SHLD2: variants seen among roughly 807,000 people sequenced by gnomAD.
SHLD2 encodes shieldin complex subunit 2.
SHLD2 carries 30 observed loss-of-function variants against 73.2 expected under a neutral mutation model. The observed-to-expected ratio is 0.41, with a 90% CI of 0.31 to 0.56. The LOEUF (loss-of-function observed/expected upper bound fraction) is 0.56. Among genes scored for constraint, SHLD2 ranks in the 20% least tolerant of loss-of-function variants. SHLD2 has a pLI of 0.28. For synonymous variants in SHLD2, 285 were observed against 370.1 expected (o/e 0.77, Z 2.64); for missense variants, 745 against 1,055.9 (o/e 0.71, Z 4.08).
At chr10:87,182,046 G>A (rs888058343) in intron 8 of SHLD2, among the ~76,000 whole-genome samples, 1 of 152,210 alleles carries the variant, frequency 6.6e-6, no homozygotes, top group African/African-American at 2.4e-5. Flanking sequence ...GGAATTACAG[G>A]TGTGAGCCAC....
intron 2 of SHLD2, among the ~76,000 whole-genome samples, chr10:87,098,471 C>T (rs1842049638): frequency 6.6e-6 from 1 of 150,856 alleles, no homozygotes; most frequent in Admixed American, 6.6e-5. Context: ...TGAGATTGCG[C>T]CATTGCACTC....
intron 2 of SHLD2, among the ~76,000 whole-genome samples, chr10:87,130,105 C>G (rs1844320639): frequency 6.6e-6 from 1 of 151,742 alleles, no homozygotes; most frequent in African/African-American, 2.4e-5. Context: ...GTGGTAGATG[C>G]TTTCCTCAGA....
At chr10:87,114,854 TATGA>T (rs1843146025) in intron 2 of SHLD2, among the ~76,000 whole-genome samples, 2 of 152,214 alleles carry the variant, frequency 1.3e-5, no homozygotes, top group East Asian at 3.8e-4. Context: ...GATAGTTTGA[TATGA>T]GAGGTGAGGA....
chr10:87,188,346 G>T (rs374038815), intron 9 of SHLD2, among the ~76,000 whole-genome samples: 2,161 of 151,970 alleles, frequency 0.014, 51 homozygotes, highest in African/African-American at 0.049. Flanking sequence ...GGATGGAGGG[G>T]TTTTTTTTCT....
chr10:87,190,786 A>C lies in SHLD2; in HGVS notation c.*103A>C. ...GGCTTTTGCTTTGGATTTTTTATGA[A>C]ATATATTTTACAAAGAGAATTGCAC... On this transcript the variant is annotated 3_prime_UTR_variant, in exon 10 of 10. Coordinates refer to ENST00000298786, the MANE Select transcript of SHLD2 (RefSeq NM_001330112.2). The C allele has an allele frequency of 1.0e-6, 1 of 954,100 alleles. No individual in the cohort carries two copies. The highest frequency in any genetic ancestry group is 1.6e-6 in the Non-Finnish European group (1 of 629,432). The allele number at this position is 954,100 out of a possible 1,614,324, so 59.1% of individuals were successfully genotyped here.
At chr10:87,100,945 C>G (rs1256535045) in intron 2 of SHLD2, among the ~76,000 whole-genome samples, 5 of 152,088 alleles carry the variant, frequency 3.3e-5, no homozygotes, top group Admixed American at 3.3e-4. Context: ...ATCTGTAGAT[C>G]AATTTGGGAA....
chr10:87,143,732 T>G (rs1387371923), intron 2 of SHLD2, among the ~76,000 whole-genome samples: 1 of 151,946 alleles, frequency 6.6e-6, no homozygotes, highest in Non-Finnish European at 1.5e-5. Context: ...AGGAATACCA[T>G]ATAGTCTATC....
chr10:87,164,795 A>G (rs1847082578), intron 4 of SHLD2, among the ~76,000 whole-genome samples: 1 of 152,246 alleles, frequency 6.6e-6, no homozygotes. Flanking sequence ...TTACTGACAT[A>G]AAGATATATG....
intron 2 of SHLD2, among the ~76,000 whole-genome samples, chr10:87,100,534 A>G (rs1351742239): frequency 6.6e-6 from 1 of 151,364 alleles, no homozygotes; most frequent in African/African-American, 2.4e-5. Flanking sequence ...CTGGAGTGCA[A>G]TAGCGCGATC....
intron 2 of SHLD2, among the ~76,000 whole-genome samples, chr10:87,148,017 C>T (rs1425378811): frequency 2.6e-5 from 4 of 152,064 alleles, no homozygotes; most frequent in Non-Finnish European, 4.4e-5. Flanking sequence ...GCCACCACAC[C>T]TGGCTAATTT....
At chr10:87,123,659 G>A (rs946345597) in intron 2 of SHLD2, among the ~76,000 whole-genome samples, 2 of 152,116 alleles carry the variant, frequency 1.3e-5, no homozygotes, top group Non-Finnish European at 2.9e-5. Flanking sequence ...CAAATCTTAT[G>A]TTGAATTGTA....
intron 9 of SHLD2, among the ~76,000 whole-genome samples, chr10:87,187,531 T>C (rs1848694047): frequency 6.6e-6 from 1 of 152,236 alleles, no homozygotes. Flanking sequence ...CCACTGTCAG[T>C]GGAATGGATT....
chr10:87,179,944 C>T (rs1485228664), intron 7 of SHLD2, 131 bp from the exon 8 acceptor site: 12 of 693,790 alleles, frequency 1.7e-5, no homozygotes, highest in African/African-American at 3.6e-5. Context: ...GTAAAGAAGA[C>T]GAAGAACAAG....
At position 87,100,679 on chromosome 10, in the gene SHLD2, T is replaced by C. The variant is rs188047967; in HGVS notation, c.-6+3690T>C. ...TTTCAGTAGAGATGGGGTTTTATCA[T>C]GTTAGTCAGGCTGATCTCGAACTCC... On this transcript the variant is annotated intron_variant, in intron 2 of 9. Coordinates refer to ENST00000298786, the MANE Select transcript of SHLD2 (RefSeq NM_001330112.2). 5.6e-3 allele frequency among the ~76,000 whole-genome samples: 846 copies of C among 152,234 alleles called. 12 individuals carry two copies. Among genetic ancestry groups the C allele is most frequent in the African/African-American group, 0.019 (808 of 41,528 alleles).
intron 1 of SHLD2, 57 bp downstream of exon 1, chr10:87,095,305 G>A (rs564130280): frequency 8.6e-4 from 130 of 151,524 alleles, no homozygotes; most frequent in African/African-American, 2.9e-3. Flanking sequence ...GGAGGTCGGG[G>A]TCGGGGGCTG....
intron 7 of SHLD2, among the ~76,000 whole-genome samples, chr10:87,177,911 G>A (rs1210711213): frequency 1.3e-5 from 2 of 152,186 alleles, no homozygotes; most frequent in Non-Finnish European, 2.9e-5. Context: ...ATAGGATTAT[G>A]TGAACATTCT....
intron 2 of SHLD2, among the ~76,000 whole-genome samples, chr10:87,103,405 T>C (rs1456816089): frequency 6.6e-6 from 1 of 152,152 alleles, no homozygotes; most frequent in South Asian, 2.1e-4. Flanking sequence ...TTTGAAAATA[T>C]AGGGTGGCAT....
intron 2 of SHLD2, 71 bp downstream of exon 2, chr10:87,097,060 A>G (rs958852216): frequency 1.3e-5 from 2 of 152,212 alleles, no homozygotes; most frequent in South Asian, 4.1e-4. Context: ...CACTCCTGCA[A>G]AAAACCCACG....
chr10:87,151,725 G>C lies in SHLD2; in HGVS notation c.371G>C (p.Gly124Ala), dbSNP rs757329100. 4.3e-5 allele frequency: 69 copies of C among 1,611,922 alleles called. No individual in the cohort carries two copies. The South Asian group carries it at 7.5e-4, about 17-fold the overall frequency. ...ACTAGCTCTAATATGCAAATATGTG[G>C]ATTTAAAAGCACAGTTCCGCATTTC... ...DITSSNMQICGFKSTVPHFTE... is the reference protein window; with the variant it reads ...DITSSNMQICAFKSTVPHFTE... The change falls in exon 3 of 10, where the codon GGA (glycine) becomes GCA (alanine). Residue 124 changes from glycine to alanine, a missense_variant. Gly to Ala is a moderately conservative substitution (Grantham distance 60). This residue lies in a region of SHLD2 where 280 missense variants were observed against 353.9 expected (regional missense o/e 0.79). Transcript: ENST00000298786.
Sources: allele counts gnomAD v4.1 joint callset (sites outside exome capture counted in the v4.1 genomes callset), GRCh38; gene constraint gnomAD v4.1.1; regional missense constraint gnomAD v4.1.1; transcripts MANE v1.5; gene names NCBI Gene and HGNC (gene_info 2026-07-23, HGNC 2026-07-21).